Variants in LSAMP observed in about 807,000 individuals in gnomAD.
LSAMP encodes the protein limbic system-associated membrane protein.
In LSAMP, 7 loss-of-function variants were observed where a neutral mutation model predicts 38.6. The ratio of observed to expected loss-of-function variants is 0.18; its 90% CI spans 0.10 to 0.34. The LOEUF (loss-of-function observed/expected upper bound fraction) is 0.34. Among genes scored for constraint, LSAMP ranks in the 10% least tolerant of loss-of-function variants. LSAMP has a pLI of 1.00. For missense variants in LSAMP, 313 were observed against 420.0 expected, an observed-to-expected ratio of 0.75 and a Z score of 2.23; for synonymous variants, 154 against 166.8, an observed-to-expected ratio of 0.92 and a Z score of 0.59.
chr3:116,411,161 C>T lies in LSAMP; in HGVS notation c.155+33716G>A, dbSNP rs1200626167. Among the ~76,000 whole-genome samples, 44 of 152,084 alleles carry T rather than the reference C, an allele frequency of 2.9e-4. 1 individual carries two copies. Among genetic ancestry groups the T allele is most frequent in the Admixed American group, 2.9e-3 (44 of 15,260 alleles). ...GAGAGGATGTGGAGAAATAAGAACACTTTTACACTGTTGGTGGGACTGTAA... is the reference window on the plus strand; with the variant it reads ...GAGAGGATGTGGAGAAATAAGAACATTTTTACACTGTTGGTGGGACTGTAA... On this transcript the variant is annotated intron_variant, in intron 1 of 6. Transcript: ENST00000490035.
chr3:115,861,167 TTCCTTCCTTCCTTCCTTCCTTCCTTCC>T (rs1935681000), intron 3 of LSAMP, among the ~76,000 whole-genome samples: 3 of 117,222 alleles, frequency 2.6e-5, no homozygotes, highest in Non-Finnish European at 5.3e-5. Flanking sequence ...CCTTCCTTCC[TTCCTTCCTTCCTTCCTTCCTTCCTTCC>T]TTCCTTCCTT....
At chr3:115,917,628 T>C (rs1937280773) in intron 3 of LSAMP, among the ~76,000 whole-genome samples, 1 of 152,132 alleles carries the variant, frequency 6.6e-6, no homozygotes, top group African/African-American at 2.4e-5. Context: ...AAACACTCTT[T>C]TAAATTAATG....
intron 1 of LSAMP, among the ~76,000 whole-genome samples, chr3:116,391,250 G>A (rs949131000): frequency 1.3e-5 from 2 of 151,718 alleles, no homozygotes; most frequent in Admixed American, 1.3e-4. Context: ...AGCGGCAGGA[G>A]CAGCTGCGGG....
intron 1 of LSAMP, among the ~76,000 whole-genome samples, chr3:116,213,369 C>A (rs141799163): frequency 6.6e-6 from 1 of 152,308 alleles, no homozygotes; most frequent in African/African-American, 2.4e-5. Context: ...TTCCCCTGCA[C>A]AAGCTCTTTC....
intron 3 of LSAMP, among the ~76,000 whole-genome samples, chr3:115,863,213 G>A (rs1253147110): frequency 2.6e-5 from 4 of 152,132 alleles, no homozygotes; most frequent in Non-Finnish European, 5.9e-5. Context: ...AAAAACAAAG[G>A]GAGAAGAAAA....
At chr3:115,995,630 G>A (rs1939794460) in intron 3 of LSAMP, among the ~76,000 whole-genome samples, 1 of 152,040 alleles carries the variant, frequency 6.6e-6, no homozygotes, top group Non-Finnish European at 1.5e-5. Context: ...AATGACCAAT[G>A]TTTCACTAGA....
At chr3:115,867,629 T>C (rs1052567079) in intron 3 of LSAMP, among the ~76,000 whole-genome samples, 4 of 151,720 alleles carry the variant, frequency 2.6e-5, no homozygotes, top group Admixed American at 2.6e-4. Flanking sequence ...ACAGAAGAAA[T>C]CAAGCCAGCC....
At chr3:116,226,824 C>T (rs1210960824) in intron 1 of LSAMP, among the ~76,000 whole-genome samples, 1 of 152,206 alleles carries the variant, frequency 6.6e-6, no homozygotes, top group Non-Finnish European at 1.5e-5. Flanking sequence ...TGCAGTGGAT[C>T]GTGAGGAACT....
Position 115,856,572 on chromosome 3 carries a change from T to C in LSAMP, c.515-3955A>G, listed in dbSNP as rs545927314. 2.7e-4 allele frequency among the ~76,000 whole-genome samples: 40 copies of C among 149,796 alleles called. 1 individual carries two copies. Among genetic ancestry groups the C allele is most frequent in the African/African-American group, 8.6e-4 (35 of 40,554 alleles). Reference sequence around the variant, plus strand: ...AGGCGGAGGTTGCAGTGAACTGAGATCGAGCCACTGCACTCCAGCCTGGGT... The same window carrying C: ...AGGCGGAGGTTGCAGTGAACTGAGACCGAGCCACTGCACTCCAGCCTGGGT... On this transcript the variant is annotated intron_variant, in intron 3 of 6. Coordinates refer to ENST00000490035, the MANE Select transcript of LSAMP (RefSeq NM_002338.5).
At chr3:116,278,412 A>AT (rs1380463319) in intron 1 of LSAMP, among the ~76,000 whole-genome samples, 1 of 152,042 alleles carries the variant, frequency 6.6e-6, no homozygotes, top group African/African-American at 2.4e-5. Flanking sequence ...ACCTGAAGTT[A>AT]TTATCCTCAA....
chr3:116,087,316 G>A (rs1351017267), intron 1 of LSAMP, among the ~76,000 whole-genome samples: 2 of 152,142 alleles, frequency 1.3e-5, no homozygotes, highest in Non-Finnish European at 2.9e-5. Context: ...AAGGAATAAC[G>A]CTTAATTGAA....
chr3:115,847,246 A>T (rs1363498556), intron 4 of LSAMP, among the ~76,000 whole-genome samples: 1 of 152,134 alleles, frequency 6.6e-6, no homozygotes, highest in Non-Finnish European at 1.5e-5. Flanking sequence ...CGTGGGGATG[A>T]TATAGTTGGT....
At chr3:115,827,338 T>C (rs1934453722) in intron 6 of LSAMP, among the ~76,000 whole-genome samples, 1 of 24,800 alleles carries the variant, frequency 4.0e-5, no homozygotes, top group Non-Finnish European at 4.4e-4. Context: ...TTCTACTGCT[T>C]TTTTTTTTTT....
chr3:116,359,038 A>G (rs1422642148), intron 1 of LSAMP, among the ~76,000 whole-genome samples: 1 of 152,192 alleles, frequency 6.6e-6, no homozygotes, highest in African/African-American at 2.4e-5. Flanking sequence ...CACTAAACCT[A>G]GTTTCTACGA....
chr3:115,992,827 G>C (rs984701560), intron 3 of LSAMP, among the ~76,000 whole-genome samples: 3 of 152,046 alleles, frequency 2.0e-5, no homozygotes, highest in African/African-American at 7.2e-5. Flanking sequence ...TAATATATCT[G>C]CTGCTCTAAT....
intron 1 of LSAMP, among the ~76,000 whole-genome samples, chr3:116,159,521 T>C (rs1268821365): frequency 6.6e-6 from 1 of 152,076 alleles, no homozygotes; most frequent in Non-Finnish European, 1.5e-5. Context: ...TCACTGATCA[T>C]TAGAGAAATG....
rs755624209 is a variant in LSAMP, at chr3:116,019,609, A to G, written c.420T>C (p.Asp140=). 17 of 1,612,904 alleles carry G rather than the reference A, an allele frequency of 1.1e-5. No individual in the cohort carries two copies. Among genetic ancestry groups the G allele is most frequent in the Non-Finnish European group, 1.4e-5 (16 of 1,179,060 alleles). Residue 140 remains aspartate (D), a synonymous_variant, in exon 3 of 7, where the codon GAT becomes GAC. Coordinates refer to ENST00000490035, the MANE Select transcript of LSAMP (RefSeq NM_002338.5). Reference sequence around the variant, plus strand: ...CGTTGCTGCCCTCATTCACAGTGACATCCGAGGAGATATTGGAGATCTTTG... The same window carrying G: ...CGTTGCTGCCCTCATTCACAGTGACGTCCGAGGAGATATTGGAGATCTTTG... ...VPPKISNISS[D]VTVNEGSNVT... is the part of the protein sequence containing the mutation.
At chr3:116,369,418 T>A (rs2048401147) in intron 1 of LSAMP, among the ~76,000 whole-genome samples, 1 of 152,212 alleles carries the variant, frequency 6.6e-6, no homozygotes, top group South Asian at 2.1e-4. Flanking sequence ...AAAATATTTT[T>A]ATGTAACTCT....
intron 2 of LSAMP, among the ~76,000 whole-genome samples, chr3:116,063,672 A>T (rs1488450074): frequency 1.3e-5 from 2 of 152,208 alleles, no homozygotes; most frequent in Non-Finnish European, 2.9e-5. Flanking sequence ...CTACTTGATC[A>T]TGATGAGGTA....
Sources: gnomAD v4.1 joint callset for allele counts (sites outside exome capture counted in the v4.1 genomes callset) on GRCh38, gnomAD v4.1.1 for gene constraint, MANE v1.5 for transcripts, NCBI Gene and HGNC (gene_info 2026-07-23, HGNC 2026-07-21) for gene names.